Variants in ALDH9A1 observed in about 807,000 individuals in gnomAD.
The protein encoded by ALDH9A1 is 4-trimethylaminobutyraldehyde dehydrogenase.
In ALDH9A1, 42 loss-of-function variants were observed where a neutral mutation model predicts 56.6. The ratio of observed to expected loss-of-function variants is 0.74; its 90% CI spans 0.58 to 0.96. ALDH9A1 has a LOEUF of 0.96. ALDH9A1 is among the 40% of genes least tolerant of loss of function. The pLI, the probability that ALDH9A1 is intolerant of heterozygous loss-of-function variation, is 0.00. For missense variants in ALDH9A1, 661 were observed against 651.5 expected, an observed-to-expected ratio of 1.01 and a Z score of -0.16; for synonymous variants, 242 against 236.0, an observed-to-expected ratio of 1.03 and a Z score of -0.23.
chr1:165,686,123 T>C (rs7555268), intron 2 of ALDH9A1, among the ~76,000 whole-genome samples: 105,487 of 152,052 alleles, frequency 0.69, 36,917 homozygotes, highest in East Asian at 0.98. Flanking sequence ...ACCAGATTCA[T>C]TCTCCCACCT....
chr1:165,680,819 T>C (rs1649527560), intron 4 of ALDH9A1, 136 bp from the exon 5 acceptor site: 2 of 828,854 alleles, frequency 2.4e-6, no homozygotes, highest in African/African-American at 3.5e-5. Context: ...AAAAATGTTA[T>C]TAATAACCAT....
rs200799083 is a variant in ALDH9A1, at chr1:165,680,579, C to A, written c.697G>T (p.Val233Leu). The change falls in exon 5 of 11, where the codon GTG becomes TTG. Residue 233 changes from valine to leucine, a missense_variant. Coordinates refer to ENST00000354775, the MANE Select transcript of ALDH9A1 (RefSeq NM_000696.4). ...AGVPPGLFNV[V>L]QGGAATGQFL... ...TGGCCTGTGGCAGCCCCTCCCTGCACCACATTGAAGAGCCCAGGAGGTACA... is the reference window on the plus strand; with the variant it reads ...TGGCCTGTGGCAGCCCCTCCCTGCAACACATTGAAGAGCCCAGGAGGTACA... The A allele has an allele frequency of 4.3e-6, 7 of 1,614,174 alleles. No homozygotes were observed. The East Asian group carries it at 8.9e-5, about 21-fold the overall frequency.
At chr1:165,671,851 AAT>A in intron 6 of ALDH9A1, 1 of 199,434 alleles carries the variant, frequency 5.0e-6, no homozygotes, top group Non-Finnish European at 1.0e-5. Flanking sequence ...ATATGCAGTC[AAT>A]ATCACTAATA....
chr1:165,677,430 A>G (rs1649398293), intron 6 of ALDH9A1, among the ~76,000 whole-genome samples: 1 of 152,222 alleles, frequency 6.6e-6, no homozygotes, highest in East Asian at 1.9e-4. Context: ...GTTCCAGAGC[A>G]CAGCCAGGGG....
intron 1 of ALDH9A1, among the ~76,000 whole-genome samples, chr1:165,697,943 C>T (rs1192222967): frequency 6.6e-6 from 1 of 152,140 alleles, no homozygotes; most frequent in Non-Finnish European, 1.5e-5. Context: ...GCGGGAGAAG[C>T]ACTTGAGCCC....
At chr1:165,677,980 A>T (rs1649421401) in intron 6 of ALDH9A1, among the ~76,000 whole-genome samples, 1 of 152,106 alleles carries the variant, frequency 6.6e-6, no homozygotes, top group African/African-American at 2.4e-5. Context: ...GGTTGCAGTG[A>T]GCTGAGATCG....
chr1:165,671,525 C>A, intron 6 of ALDH9A1: 1 of 460,638 alleles, frequency 2.2e-6, no homozygotes, highest in Non-Finnish European at 4.2e-6. Flanking sequence ...CGCTCCTAAT[C>A]TCCCTGAAGA....
intron 6 of ALDH9A1, among the ~76,000 whole-genome samples, chr1:165,676,079 T>C (rs749805550): frequency 2.3e-4 from 35 of 152,182 alleles, no homozygotes; most frequent in Admixed American, 1.3e-4. Flanking sequence ...AATTAAAGTA[T>C]CTGGATGAAC....
chr1:165,673,029 A>AT (rs904054530), intron 6 of ALDH9A1, among the ~76,000 whole-genome samples: 2 of 148,922 alleles, frequency 1.3e-5, no homozygotes, highest in Admixed American at 6.8e-5. Flanking sequence ...AAATTGGTAA[A>AT]TTTTACATTA....
Position 165,683,021 on chromosome 1 carries a change from C to G in ALDH9A1, c.417G>C (p.Gln139His). The change falls in exon 3 of 11, where the codon CAG becomes CAC. Residue 139 changes from glutamine (Q) to histidine (H), a missense_variant. Gln to His is a conservative substitution (Grantham distance 24). Transcript: ENST00000354775. ...CCAAGCCCGCATAATACTCCAGGCA[C>G]TGCCAGGAAATGTCAATGTCCAAGC... The part of the protein sequence containing the change: ...EARLDIDISW[Q>H]CLEYYAGLAA... The G allele has an allele frequency of 6.2e-7, 1 of 1,614,064 alleles. No homozygotes were observed. Among genetic ancestry groups the G allele is most frequent in the Non-Finnish European group, 8.5e-7 (1 of 1,179,956 alleles).
At chr1:165,696,048 C>A (rs939190077) in intron 1 of ALDH9A1, among the ~76,000 whole-genome samples, 2 of 152,072 alleles carry the variant, frequency 1.3e-5, no homozygotes, top group African/African-American at 4.8e-5. Flanking sequence ...GACGGGATTT[C>A]ATCATGTTGG....
At chr1:165,690,785 T>G (rs932473360) in intron 2 of ALDH9A1, among the ~76,000 whole-genome samples, 1 of 152,176 alleles carries the variant, frequency 6.6e-6, no homozygotes, top group Non-Finnish European at 1.5e-5. Context: ...AAGATGGAAC[T>G]GCGAAGGTGG....
chr1:165,693,560 A>G (rs1192590475), intron 2 of ALDH9A1, among the ~76,000 whole-genome samples: 1 of 152,184 alleles, frequency 6.6e-6, no homozygotes, highest in Non-Finnish European at 1.5e-5. Flanking sequence ...AAAAGTCAGG[A>G]AACAACAGGT....
intron 8 of ALDH9A1, chr1:165,668,663 A>G (rs115278244): frequency 0.011 from 3,224 of 301,208 alleles, 38 homozygotes; most frequent in Middle Eastern, 0.039. Context: ...TTAATCAAAT[A>G]TGCACTTTCA....
At chr1:165,695,010 T>C (rs1408759183) in intron 2 of ALDH9A1, among the ~76,000 whole-genome samples, 1 of 151,736 alleles carries the variant, frequency 6.6e-6, no homozygotes, top group Admixed American at 6.6e-5. Context: ...AAGAGTGCAT[T>C]ATAATTCAAA....
intron 8 of ALDH9A1, among the ~76,000 whole-genome samples, chr1:165,668,470 G>A (rs1649073449): frequency 6.6e-6 from 1 of 152,150 alleles, no homozygotes; most frequent in Non-Finnish European, 1.5e-5. Context: ...GGCCTCAACA[G>A]GAGGAGATGA....
chr1:165,698,164 T>G (rs1650155722), intron 1 of ALDH9A1: 4 of 1,287,970 alleles, frequency 3.1e-6, no homozygotes, highest in Middle Eastern at 2.8e-4. Context: ...ACCACGCAAC[T>G]CATCAGCTTT....
chr1:165,668,792 C>T, intron 8 of ALDH9A1, 134 bp downstream of exon 8: 1 of 667,116 alleles, frequency 1.5e-6, no homozygotes, highest in Admixed American at 3.1e-5. Context: ...AGTTCTACTT[C>T]TTAAACTTGG....
chr1:165,662,458 A>G lies in ALDH9A1; in HGVS notation c.*592T>C, dbSNP rs1284537685. The G allele has an allele frequency of 6.6e-6, 1 of 152,488 alleles. No individual in the cohort carries two copies. The highest frequency in any genetic ancestry group is 2.4e-5 in the African/African-American group (1 of 41,462). The allele number at this position is 152,488 out of a possible 1,614,324, so 9.4% of individuals were successfully genotyped here. On this transcript the variant is annotated 3_prime_UTR_variant, in exon 11 of 11. Coordinates refer to ENST00000354775, the MANE Select transcript of ALDH9A1 (RefSeq NM_000696.4). ...TAATCCCCTCCCTATCCCAGTTGTC[A>G]GCTTTCTCAATGGAATGACAAGGGG...
Sources: allele counts gnomAD v4.1 joint callset (sites outside exome capture counted in the v4.1 genomes callset), GRCh38; gene constraint gnomAD v4.1.1; transcripts MANE v1.5; gene names NCBI Gene and HGNC (gene_info 2026-07-23, HGNC 2026-07-21).